NDST3: variants seen among roughly 807,000 people sequenced by gnomAD.
NDST3 encodes the protein bifunctional heparan sulfate N-deacetylase/N-sulfotransferase 3.
NDST3 carries 58 observed loss-of-function variants against 96.1 expected under a neutral mutation model. That is an observed-to-expected ratio of 0.60 (90% CI 0.49 to 0.75). The LOEUF is 0.75. NDST3 is among the 30% of genes least tolerant of loss of function. NDST3 has a pLI of 0.00. For synonymous variants in NDST3, 333 were observed against 359.7 expected, an observed-to-expected ratio of 0.93 and a Z score of 0.84; for missense variants, 788 against 1,034.2, an observed-to-expected ratio of 0.76 and a Z score of 3.27.
intron 3 of NDST3, among the ~76,000 whole-genome samples, chr4:118,113,329 A>G (rs1189388775): frequency 7.2e-5 from 11 of 152,228 alleles, no homozygotes; most frequent in Non-Finnish European, 1.2e-4. Flanking sequence ...AAAATAAAAC[A>G]TTAGATTTAA....
At chr4:118,178,959 G>T (rs915670753) in intron 6 of NDST3, among the ~76,000 whole-genome samples, 3 of 151,958 alleles carry the variant, frequency 2.0e-5, no homozygotes, top group Non-Finnish European at 4.4e-5. Context: ...TACAATTCAT[G>T]GATGCTGGAA....
intron 6 of NDST3, among the ~76,000 whole-genome samples, chr4:118,160,345 AC>A (rs1381366746): frequency 6.6e-6 from 1 of 152,208 alleles, no homozygotes; most frequent in African/African-American, 2.4e-5. Context: ...GAGCTTCTGC[AC>A]AACAACAAAA....
At chr4:118,163,406 G>A (rs979947621) in intron 6 of NDST3, among the ~76,000 whole-genome samples, 22 of 152,214 alleles carry the variant, frequency 1.4e-4, no homozygotes, top group African/African-American at 4.8e-4. Flanking sequence ...ATACACCATG[G>A]AATACTATGC....
chr4:118,144,030 A>G (rs1733762946), intron 6 of NDST3, among the ~76,000 whole-genome samples: 2 of 151,924 alleles, frequency 1.3e-5, no homozygotes, highest in African/African-American at 4.8e-5. Context: ...GACAACAGTT[A>G]CCTCTATTAT....
chr4:118,225,277 T>C (rs191305126), intron 7 of NDST3, among the ~76,000 whole-genome samples: 22 of 152,356 alleles, frequency 1.4e-4, no homozygotes, highest in African/African-American at 5.0e-4. Context: ...TTTCAAAGCA[T>C]AGACTCTTAT....
intron 6 of NDST3, among the ~76,000 whole-genome samples, chr4:118,144,745 T>TA (rs11298940): frequency 9.3e-5 from 14 of 150,446 alleles, no homozygotes; most frequent in East Asian, 7.8e-4. Flanking sequence ...TTTCCAAATG[T>TA]AAAAAAAAAA....
chr4:118,148,270 C>A (rs1345426692), intron 6 of NDST3, among the ~76,000 whole-genome samples: 2 of 152,160 alleles, frequency 1.3e-5, no homozygotes, highest in Non-Finnish European at 2.9e-5. Flanking sequence ...TGCACTCCAG[C>A]CTGGGCGACA....
intron 2 of NDST3, among the ~76,000 whole-genome samples, chr4:118,075,396 C>T (rs1027986380): frequency 6.6e-6 from 1 of 152,148 alleles, no homozygotes; most frequent in Non-Finnish European, 1.5e-5. Context: ...GATTTATAAT[C>T]CTTTGGGTAT....
chr4:118,156,802 T>C (rs1331302887), intron 6 of NDST3, among the ~76,000 whole-genome samples: 1 of 152,346 alleles, frequency 6.6e-6, no homozygotes, highest in East Asian at 1.9e-4. Flanking sequence ...AGATATTCTG[T>C]TAGCAAGTCT....
At chr4:118,050,109 A>G (rs1724995941) in intron 1 of NDST3, among the ~76,000 whole-genome samples, 1 of 152,192 alleles carries the variant, frequency 6.6e-6, no homozygotes, top group African/African-American at 2.4e-5. Flanking sequence ...CATTTACCAC[A>G]TAAACAGAAT....
chr4:118,043,788 A>G (rs548352813), intron 1 of NDST3, among the ~76,000 whole-genome samples: 1 of 152,344 alleles, frequency 6.6e-6, no homozygotes, highest in Non-Finnish European at 1.5e-5. Context: ...AGCTCTGAGA[A>G]TCTGCACCAG....
At chr4:118,222,503 G>A (rs1199282605) in intron 6 of NDST3, among the ~76,000 whole-genome samples, 1 of 151,982 alleles carries the variant, frequency 6.6e-6, no homozygotes, top group African/African-American at 2.4e-5. Flanking sequence ...TGAGTACAGA[G>A]TCTAAAAGGG....
chr4:118,240,929 A>T (rs140985477), intron 11 of NDST3, among the ~76,000 whole-genome samples: 4 of 152,336 alleles, frequency 2.6e-5, no homozygotes, highest in Admixed American at 2.6e-4. Flanking sequence ...CTGATTGTAA[A>T]AAGCTTTGAA....
chr4:118,142,849 G>A (rs542431762), intron 5 of NDST3, among the ~76,000 whole-genome samples: 1 of 152,212 alleles, frequency 6.6e-6, no homozygotes, highest in African/African-American at 2.4e-5. Context: ...AATTGAAGCA[G>A]ATAATACATA....
At chr4:118,223,328 T>C (rs1248149090) in intron 6 of NDST3, among the ~76,000 whole-genome samples, 2 of 152,034 alleles carry the variant, frequency 1.3e-5, no homozygotes, top group African/African-American at 4.8e-5. Context: ...ATTTAAGTTT[T>C]AAAGTCTCAT....
chr4:118,097,067 A>C lies in NDST3; in HGVS notation c.982-7951A>C, dbSNP rs146183033. 6.7e-3 allele frequency among the ~76,000 whole-genome samples: 1,023 copies of C among 152,026 alleles called. 4 individuals are homozygous for C. The highest frequency in any genetic ancestry group is 0.01 in the Non-Finnish European group (687 of 67,902). The stretch of plus-strand genomic sequence containing the variant: ...AGGGCCACCATCTTTAGAGAAGGCA[A>C]TCTGCTTTACTCAGTCTACTAATTG... On this transcript the variant is annotated intron_variant, in intron 2 of 13. Transcript: ENST00000296499.
intron 6 of NDST3, among the ~76,000 whole-genome samples, chr4:118,221,693 A>T (rs1739556648): frequency 6.6e-6 from 1 of 151,988 alleles, no homozygotes; most frequent in African/African-American, 2.4e-5. Flanking sequence ...TTTGACATTT[A>T]CCTTTTCCCT....
chr4:118,257,391 C>T lies in NDST3; in HGVS notation c.*1679C>T, dbSNP rs1037919530. The T allele has an allele frequency of 6.6e-6, 1 of 152,120 alleles. No homozygotes were observed. The highest frequency in any genetic ancestry group is 1.5e-5 in the Non-Finnish European group (1 of 68,038). 9.4% of individuals were successfully genotyped at this position (152,120 alleles called of 1,614,324 possible). On this transcript the variant is annotated 3_prime_UTR_variant, in exon 14 of 14. Coordinates refer to ENST00000296499, the MANE Select transcript of NDST3 (RefSeq NM_004784.3). ...TGACCTCATGATCCACCCACCTTGG[C>T]CTCTCAAAGTGCTGAGATTACAAGC... is the stretch of plus-strand genomic sequence containing the variant.
intron 6 of NDST3, among the ~76,000 whole-genome samples, chr4:118,158,623 G>A (rs1734869005): frequency 6.6e-6 from 1 of 152,152 alleles, no homozygotes. Context: ...AGATTACACA[G>A]CCTTAAGGTT....
Sources: allele counts gnomAD v4.1 joint callset (sites outside exome capture counted in the v4.1 genomes callset), GRCh38; gene constraint gnomAD v4.1.1; transcripts MANE v1.5; gene names NCBI Gene and HGNC (gene_info 2026-07-23, HGNC 2026-07-21).